GTPBP4: variants seen among roughly 807,000 people sequenced by gnomAD.
GTPBP4 encodes GTP-binding protein 4.
In GTPBP4, 15 loss-of-function variants were observed where a neutral mutation model predicts 81.7. That is an observed-to-expected ratio of 0.18 (90% confidence interval 0.12 to 0.28). The LOEUF (loss-of-function observed/expected upper bound fraction) is 0.28, where lower values mean the gene tolerates loss of function less well. GTPBP4 is among the 10% of genes least tolerant of loss of function. GTPBP4 has a pLI of 1.00. For synonymous variants in GTPBP4, 272 were observed against 274.6 expected (o/e 0.99, Z 0.09); for missense variants, 847 against 793.8 (o/e 1.07, Z -0.81).
At chr10:1,012,268 A>G (rs1319542640) in intron 13 of GTPBP4, 197 bp from the exon 14 acceptor site, 6 of 436,302 alleles carry the variant, frequency 1.4e-5, no homozygotes, top group Non-Finnish European at 2.5e-5. Flanking sequence ...GCTGGCGTTC[A>G]CGTGGTCTCC....
Position 990,426 on chromosome 10 carries a change from A to G in GTPBP4, c.48+1899A>G, listed in dbSNP as rs573957881. Among the ~76,000 whole-genome samples, 25 of 152,282 alleles carry G rather than the reference A, an allele frequency of 1.6e-4. No individual in the cohort carries two copies. In the East Asian group the frequency reaches 1.9e-3, roughly 12 times the overall value. On this transcript the variant is annotated intron_variant, in intron 1 of 16. Coordinates refer to ENST00000360803, the MANE Select transcript of GTPBP4 (RefSeq NM_012341.3). ...CCTGCCTCTTTGGAAGTCATTTTCA[A>G]GAGAGGTAAGTCGAGGCCGGGTGCG...
At chr10:1,014,522 G>T (rs539791649) in intron 15 of GTPBP4, among the ~76,000 whole-genome samples, 1 of 152,228 alleles carries the variant, frequency 6.6e-6, no homozygotes, top group African/African-American at 2.4e-5. Flanking sequence ...AGCCGGGCGT[G>T]GTGGCGTGTG....
chr10:1,005,957 G>C (rs754565396), intron 9 of GTPBP4, 50 bp downstream of exon 9: 2 of 909,592 alleles, frequency 2.2e-6, no homozygotes, highest in Non-Finnish European at 3.4e-6. Flanking sequence ...TCTCTTGTTT[G>C]ATTCAAGTCA....
intron 13 of GTPBP4, among the ~76,000 whole-genome samples, chr10:1,012,238 G>A (rs1444678155): frequency 1.3e-5 from 2 of 152,132 alleles, no homozygotes; most frequent in Non-Finnish European, 2.9e-5. Flanking sequence ...TGGTGCACAG[G>A]GGTTACTGAC....
chr10:1,003,267 A>G (rs537203872), intron 8 of GTPBP4, among the ~76,000 whole-genome samples: 5 of 152,034 alleles, frequency 3.3e-5, no homozygotes, highest in Non-Finnish European at 5.9e-5. Context: ...TTTCTGTCTC[A>G]GTTTAAGTTC....
intron 15 of GTPBP4, among the ~76,000 whole-genome samples, chr10:1,015,428 T>G (rs36149094): frequency 2.5e-5 from 1 of 39,442 alleles, no homozygotes; most frequent in Non-Finnish European, 4.9e-5. Context: ...AGCCTGGGAG[T>G]GGACCTGGGG....
Position 1,000,871 on chromosome 10 carries a change from G to T in GTPBP4, c.846+3G>T. 1 of 1,612,112 alleles carries T rather than the reference G, an allele frequency of 6.2e-7. No individual in the cohort carries two copies. The highest frequency in any genetic ancestry group is 8.5e-7 in the Non-Finnish European group (1 of 1,178,462). On this transcript the variant is annotated splice_donor_region_variant and intron_variant, in intron 7 of 16. Coordinates refer to ENST00000360803, the MANE Select transcript of GTPBP4 (RefSeq NM_012341.3). ...TCAGACCTCTCTTCATCAACAAGGT[G>T]TGTGTGGTCACTCATGTTTTGCTTC...
chr10:1,001,029 A>G lies in GTPBP4; in HGVS notation c.912+16A>G, dbSNP rs745414598. On this transcript the variant is annotated intron_variant, in intron 8 of 16. Transcript: ENST00000360803. ...AGATGATCAGGTAAATCACGTTAATATTTTGAATATTTCTTACTTACCAAT... is the reference window on the plus strand; with the variant it reads ...AGATGATCAGGTAAATCACGTTAATGTTTTGAATATTTCTTACTTACCAAT... 2 of 1,546,166 alleles carry G rather than the reference A, an allele frequency of 1.3e-6. No individual in the cohort carries two copies. Among genetic ancestry groups the G allele is most frequent in the South Asian group, 1.1e-5 (1 of 89,514 alleles).
rs747514293 is a variant in GTPBP4, at chr10:1,015,937, CTG to C, written c.1752+43_1752+44del. The C allele has an allele frequency of 2.6e-6, 4 of 1,551,100 alleles. No individual in the cohort carries two copies. The African/African-American group carries it at 4.1e-5, about 16-fold the overall frequency. Reference sequence around the variant, plus strand: ...GTGTAATGTAATAAAATGACAGTCTCTGTTGTTTATTGCACAGGGTTCAGGGC... The same window carrying C: ...GTGTAATGTAATAAAATGACAGTCTCTTGTTTATTGCACAGGGTTCAGGGC... On this transcript the variant is annotated intron_variant, in intron 16 of 16. Coordinates refer to ENST00000360803, the MANE Select transcript of GTPBP4 (RefSeq NM_012341.3).
chr10:1,012,357 T>A, intron 13 of GTPBP4, 108 bp from the exon 14 acceptor site: 4 of 736,328 alleles, frequency 5.4e-6, no homozygotes, highest in Non-Finnish European at 8.9e-6. Context: ...GGGCAATCGC[T>A]CTCCTCTGAG....
chr10:988,454 G>GT lies in GTPBP4; in HGVS notation c.-25dup. 6.2e-7 allele frequency: 1 copy of GT among 1,609,184 alleles called. No homozygotes were observed. Among genetic ancestry groups the GT allele is most frequent in the Non-Finnish European group, 8.5e-7 (1 of 1,176,002 alleles). ...ACGGCGGAAGTTCCGGGAGTGCCAA[G>GT]TACCCGCGTGCATACGGCTGCCGGC... On this transcript the variant is annotated 5_prime_UTR_variant, in exon 1 of 17. Coordinates refer to ENST00000360803, the MANE Select transcript of GTPBP4 (RefSeq NM_012341.3).
In GTPBP4 at chr10:1,012,647, G is replaced by A. The variant is rs61731090; in HGVS notation, c.1527G>A (p.Pro509=). The A allele has an allele frequency of 1.5e-3, 2,429 of 1,611,970 alleles. 7 individuals carry two copies. The highest frequency in any genetic ancestry group is 0.011 in the Middle Eastern group (67 of 6,056). ...KEKNTQGPRM[P]RTAKKVQRTV... The stretch of plus-strand genomic sequence containing the variant: ...AGAATACACAGGGACCCAGGATGCC[G>A]CGAACTGCTAAGAAGGCAAGTTTGT... Residue 509 remains proline (P), a synonymous_variant, in exon 14 of 17, where the codon CCG becomes CCA. Coordinates refer to ENST00000360803, the MANE Select transcript of GTPBP4 (RefSeq NM_012341.3).
chr10:1,015,513 T>TCTGAGCA lies in GTPBP4; in HGVS notation c.1609-234_1609-233insACTGAGC, dbSNP rs1418812236. Among the ~76,000 whole-genome samples the TCTGAGCA allele has an allele frequency of 2.4e-4, 4 of 16,748 alleles. 1 individual carries two copies. The highest frequency in any genetic ancestry group is 3.7e-4 in the Non-Finnish European group (3 of 8,060). 11.0% of individuals were successfully genotyped at this position (16,748 alleles called of 152,430 possible). A position where few individuals can be genotyped will look rare whatever the true frequency, so the allele number is the denominator to read the frequency against. On this transcript the variant is annotated intron_variant, in intron 15 of 16. Coordinates refer to ENST00000360803, the MANE Select transcript of GTPBP4 (RefSeq NM_012341.3). ...TGGGAGTGGGGCTGGGGTCCTGAGC[T>TCTGAGCA]CTGAGCCTGGGAGCGGGGCTGGGGT...
rs143450905 is a variant in GTPBP4, at chr10:1,010,652, C to G, written c.1344+132C>G. The stretch of plus-strand genomic sequence containing the variant: ...TGCACCCCTCCATCCTGACTCTGCC[C>G]CCTGTACCACTTCCCCACCCTGAGA... On this transcript the variant is annotated intron_variant, in intron 13 of 16. Coordinates refer to ENST00000360803, the MANE Select transcript of GTPBP4 (RefSeq NM_012341.3). 1,408 of 685,288 alleles carry G rather than the reference C, an allele frequency of 2.1e-3. 14 individuals are homozygous for G. The African/African-American group carries it at 0.022, about 11-fold the overall frequency. 42.5% of individuals were successfully genotyped at this position (685,288 alleles called of 1,614,324 possible). A position where few individuals can be genotyped will look rare whatever the true frequency, so the allele number is the denominator to read the frequency against.
At chr10:1,008,185 G>A in intron 10 of GTPBP4, 1 of 452,954 alleles carries the variant, frequency 2.2e-6, no homozygotes, top group Non-Finnish European at 4.4e-6. Context: ...GGCCGAGGCG[G>A]GTGGATCACC....
chr10:997,913 C>T (rs889958242), intron 5 of GTPBP4, among the ~76,000 whole-genome samples: 17 of 152,052 alleles, frequency 1.1e-4, no homozygotes, highest in African/African-American at 3.1e-4. Flanking sequence ...TTAAGGGACT[C>T]GGTCATTTGT....
chr10:990,205 T>C (rs1448377613), intron 1 of GTPBP4, among the ~76,000 whole-genome samples: 2 of 152,182 alleles, frequency 1.3e-5, no homozygotes. Context: ...TCTTCTGTTC[T>C]GTGGAGTGAG....
chr10:1,011,087 TGCCTCCTGCACCTCTTCCC>T, intron 13 of GTPBP4, among the ~76,000 whole-genome samples: 1 of 97,506 alleles, frequency 1.0e-5, no homozygotes, highest in Non-Finnish European at 2.2e-5. Flanking sequence ...ATCCTGACTG[TGCCTCCTGCACCTCTTCCC>T]CCCACCCCGA....
At position 1,019,803 on chromosome 10, in the gene GTPBP4, A is replaced by C. The variant is rs1314092559; in HGVS notation, c.*2576A>C. ...GTCTGATTTTGCCTTGTGGTGATAGATTGTCATGAACACAATGTCCTCTGG... is the reference window on the plus strand; with the variant it reads ...GTCTGATTTTGCCTTGTGGTGATAGCTTGTCATGAACACAATGTCCTCTGG... On this transcript the variant is annotated 3_prime_UTR_variant, in exon 17 of 17. Transcript: ENST00000360803. The C allele has an allele frequency of 1.2e-6, 2 of 1,613,926 alleles. No individual in the cohort carries two copies. Among genetic ancestry groups the C allele is most frequent in the Admixed American group, 1.7e-5 (1 of 59,990 alleles).
Sources: allele counts gnomAD v4.1 joint callset (sites outside exome capture counted in the v4.1 genomes callset), GRCh38; gene constraint gnomAD v4.1.1; transcripts MANE v1.5; gene names NCBI Gene and HGNC (gene_info 2026-07-23, HGNC 2026-07-21).